The following FLT3 variants were observed in gnomAD, a reference collection of about 807,000 sequenced individuals.
FLT3 encodes the protein fms related receptor tyrosine kinase 3.
A neutral mutation model predicts 126.6 loss-of-function variants in FLT3; 46 were observed. That is an observed-to-expected ratio of 0.36 (90% confidence interval 0.29 to 0.46). The LOEUF (loss-of-function observed/expected upper bound fraction) is 0.46. FLT3 is among the 20% of genes least tolerant of loss of function. The pLI is 1.00. For missense variants in FLT3, 1,069 were observed against 1,190.3 expected (o/e 0.90, Z 1.50); for synonymous variants, 404 against 434.4 (o/e 0.93, Z 0.87).
intron 9 of FLT3, among the ~76,000 whole-genome samples, chr13:28,045,996 A>C (rs1361536525): frequency 6.6e-6 from 1 of 150,424 alleles, no homozygotes; most frequent in Non-Finnish European, 1.5e-5. Context: ...GTCTGGAGAT[A>C]TTTTTGGTCA....
At chr13:28,041,960 C>T (rs1389859608) in intron 9 of FLT3, among the ~76,000 whole-genome samples, 5 of 151,976 alleles carry the variant, frequency 3.3e-5, no homozygotes, top group Non-Finnish European at 7.4e-5. Flanking sequence ...CGAGATCAGC[C>T]TGGCCAACAT....
intron 19 of FLT3, among the ~76,000 whole-genome samples, 193 bp from the exon 20 acceptor site, chr13:28,018,782 T>C (rs1872119365): frequency 6.6e-6 from 1 of 152,186 alleles, no homozygotes; most frequent in Non-Finnish European, 1.5e-5. Context: ...TCTGCAGCTA[T>C]GGTGGCTGCA....
At chr13:28,030,918 G>A (rs1873271163) in intron 15 of FLT3, among the ~76,000 whole-genome samples, 4 of 146,684 alleles carry the variant, frequency 2.7e-5, no homozygotes, top group South Asian at 2.2e-4. Context: ...AAAGAAAAAA[G>A]AAAGAAAAAG....
intron 2 of FLT3, among the ~76,000 whole-genome samples, chr13:28,064,170 C>G (rs1033896379): frequency 1.3e-5 from 2 of 151,946 alleles, no homozygotes; most frequent in African/African-American, 4.8e-5. Context: ...AAGTAAAGGG[C>G]GAATACCCCT....
intron 1 of FLT3, among the ~76,000 whole-genome samples, chr13:28,087,938 C>A (rs565821242): frequency 2.6e-5 from 4 of 152,092 alleles, no homozygotes; most frequent in Non-Finnish European, 5.9e-5. Context: ...TTATAATAAC[C>A]GTTTTAATTT....
At chr13:28,019,265 C>T (rs1456484411) in intron 19 of FLT3, among the ~76,000 whole-genome samples, 1 of 152,096 alleles carries the variant, frequency 6.6e-6, no homozygotes, top group African/African-American at 2.4e-5. Context: ...CCGCGCCTGG[C>T]CAGCATCTCT....
intron 1 of FLT3, among the ~76,000 whole-genome samples, chr13:28,091,672 C>T (rs1349515433): frequency 1.3e-5 from 2 of 152,076 alleles, no homozygotes; most frequent in African/African-American, 4.8e-5. Flanking sequence ...CAGTGGCTCA[C>T]GCCTGTAATC....
intron 20 of FLT3, among the ~76,000 whole-genome samples, chr13:28,016,411 C>T (rs563097790): frequency 6.6e-6 from 1 of 152,208 alleles, no homozygotes; most frequent in East Asian, 1.9e-4. Flanking sequence ...GCTGGGATTA[C>T]AGGTACGCAC....
At chr13:28,030,230 AT>A (rs1873197269) in intron 15 of FLT3, among the ~76,000 whole-genome samples, 1 of 152,052 alleles carries the variant, frequency 6.6e-6, no homozygotes, top group African/African-American at 2.4e-5. Flanking sequence ...TGGGGGTGGG[AT>A]TTCCTGTGGG....
intron 1 of FLT3, among the ~76,000 whole-genome samples, chr13:28,080,647 T>C (rs1878251984): frequency 6.6e-6 from 1 of 152,212 alleles, no homozygotes; most frequent in Admixed American, 6.5e-5. Flanking sequence ...TCAGAAATTT[T>C]TAATCTTGAA....
chr13:28,035,881 A>G, intron 11 of FLT3, 54 bp downstream of exon 11: 4 of 1,391,558 alleles, frequency 2.9e-6, no homozygotes, highest in Non-Finnish European at 4.1e-6. Context: ...AAGAGTCAAT[A>G]GGTCAGAGAG....
intron 6 of FLT3, 144 bp from the exon 7 acceptor site, chr13:28,049,918 ACTC>A: frequency 2.7e-6 from 3 of 1,106,754 alleles, no homozygotes; most frequent in Non-Finnish European, 3.8e-6. Context: ...TTAGAGACTG[ACTC>A]CTCTTTTATG....
intron 1 of FLT3, among the ~76,000 whole-genome samples, chr13:28,094,191 T>C (rs1322391028): frequency 6.6e-6 from 1 of 152,230 alleles, no homozygotes; most frequent in Non-Finnish European, 1.5e-5. Flanking sequence ...CTAATATATC[T>C]ATGGGCATTA....
chr13:28,061,406 A>G (rs1876549001), intron 3 of FLT3, among the ~76,000 whole-genome samples: 1 of 151,752 alleles, frequency 6.6e-6, no homozygotes, highest in Non-Finnish European at 1.5e-5. Context: ...ACAGATATAT[A>G]ATGTCATGTA....
At chr13:28,041,422 C>CAGACCA (rs1473817779) in intron 9 of FLT3, among the ~76,000 whole-genome samples, 1 of 152,130 alleles carries the variant, frequency 6.6e-6, no homozygotes, top group Non-Finnish European at 1.5e-5. Context: ...TGAGGCAGAC[C>CAGACCA]AAAGCAAAAT....
intron 1 of FLT3, among the ~76,000 whole-genome samples, chr13:28,097,056 T>G (rs1423698528): frequency 6.6e-6 from 1 of 151,606 alleles, no homozygotes; most frequent in Non-Finnish European, 1.5e-5. Flanking sequence ...ACCAAAAAAT[T>G]TTTCAAAAAA....
At chr13:28,027,856 C>T (rs1056577463) in intron 16 of FLT3, among the ~76,000 whole-genome samples, 10 of 152,360 alleles carry the variant, frequency 6.6e-5, no homozygotes, top group Admixed American at 2.0e-4. Context: ...ACTCTCACCA[C>T]GCCTGTGCAC....
At chr13:28,021,633 G>A (rs1872393824) in intron 19 of FLT3, among the ~76,000 whole-genome samples, 1 of 152,050 alleles carries the variant, frequency 6.6e-6, no homozygotes, top group Admixed American at 6.6e-5. Flanking sequence ...CAGACTGGAG[G>A]GCAGTGCTAT....
At chr13:28,057,764 G>A (rs180991624) in intron 3 of FLT3, among the ~76,000 whole-genome samples, 1 of 152,326 alleles carries the variant, frequency 6.6e-6, no homozygotes, top group East Asian at 1.9e-4. Context: ...AGGAGGCCGG[G>A]TGCGGTGGCT....
Sources: gnomAD v4.1 joint callset for allele counts (sites outside exome capture counted in the v4.1 genomes callset) on GRCh38, gnomAD v4.1.1 for gene constraint, MANE v1.5 for transcripts, NCBI Gene and HGNC (gene_info 2026-07-23, HGNC 2026-07-21) for gene names.